The following TRPM4 variants were observed in gnomAD, a reference collection of about 807,000 sequenced individuals.
TRPM4 encodes the protein calcium-activated non-selective cation channel 1.
A neutral mutation model predicts 135.6 loss-of-function variants in TRPM4; 124 were observed. That is an observed-to-expected ratio of 0.91 (90% CI 0.79 to 1.06). The LOEUF (loss-of-function observed/expected upper bound fraction) is 1.06, where lower values mean the gene tolerates loss of function less well. Among genes scored for constraint, TRPM4 ranks in the 50% least tolerant of loss-of-function variants. TRPM4 has a pLI of 0.00. For synonymous variants in TRPM4, 745 were observed against 705.6 expected, an observed-to-expected ratio of 1.06 and a Z score of -0.88; for missense variants, 1,658 against 1,671.4, an observed-to-expected ratio of 0.99 and a Z score of 0.14.
chr19:49,179,423 T>C (rs1425970462), intron 9 of TRPM4, among the ~76,000 whole-genome samples: 2 of 151,684 alleles, frequency 1.3e-5, no homozygotes, highest in Admixed American at 1.3e-4. Context: ...TGATCTCGGC[T>C]CACTGCAACC....
chr19:49,176,796 A>T (rs112347969), intron 9 of TRPM4, among the ~76,000 whole-genome samples: 10,033 of 152,246 alleles, frequency 0.066, 677 homozygotes, highest in African/African-American at 0.17. Flanking sequence ...GGTTGCCGTG[A>T]GCCAAGATCG....
chr19:49,208,529 A>G (rs1969234641), intron 20 of TRPM4, among the ~76,000 whole-genome samples: 1 of 151,978 alleles, frequency 6.6e-6, no homozygotes, highest in African/African-American at 2.4e-5. Context: ...GTCACTTCTC[A>G]TCATGCCCCT....
Position 49,182,914 on chromosome 19 carries a change from G to T in TRPM4, c.1600G>T (p.Gly534Trp). 2 of 1,593,108 alleles carry T rather than the reference G, an allele frequency of 1.3e-6. No homozygotes were observed. Among genetic ancestry groups the T allele is most frequent in the Non-Finnish European group, 1.7e-6 (2 of 1,170,154 alleles). The change falls in exon 11 of 25, where the codon GGG (glycine) becomes TGG (tryptophan). Residue 534 changes from glycine to tryptophan, a missense_variant. Around this residue, in one of 3 missense-constraint regions of TRPM4, gnomAD observed 1,412 missense variants for 1,408.7 expected, o/e 1.00. Transcript: ENST00000252826. The stretch of plus-strand genomic sequence containing the variant: ...GGACCCTCACCCAGGCCAGGGCTTC[G>T]GGGAGAGCGTAAGGACCGGGCAAAG... ...AWDPHPGQGF[G>W]ESMYLLSDKA... is the part of the protein sequence containing the mutation.
chr19:49,161,965 C>T (rs758063410), intron 2 of TRPM4, among the ~76,000 whole-genome samples: 2 of 152,138 alleles, frequency 1.3e-5, no homozygotes, highest in East Asian at 1.9e-4. Context: ...CTTGACTGGC[C>T]TCTGCACACA....
In TRPM4 at chr19:49,188,639, A is replaced by G. The variant is rs1161726237; in HGVS notation, c.1744-2A>G. The G allele has an allele frequency of 1.2e-6, 2 of 1,614,026 alleles. No homozygotes were observed. Among genetic ancestry groups the G allele is most frequent in the Non-Finnish European group, 1.7e-6 (2 of 1,180,014 alleles). ...GCATCCGTGCCCTCTTTGTCTCTCC[A>G]GGGTTCCAATGCAGTTTCCTCAGCT... On this transcript the variant is annotated splice_acceptor_variant, in intron 12 of 24. Transcript: ENST00000252826. LOFTEE classifies it high-confidence loss of function.
intron 6 of TRPM4, among the ~76,000 whole-genome samples, chr19:49,170,316 G>A (rs563929836): frequency 6.6e-6 from 1 of 152,056 alleles, no homozygotes. Context: ...AGCCTCCCGA[G>A]TAGCTGGGAC....
At chr19:49,182,103 T>TCCATCCAC (rs1322615641) in intron 10 of TRPM4, among the ~76,000 whole-genome samples, 1,773 of 145,246 alleles carry the variant, frequency 0.012, 88 homozygotes, top group African/African-American at 0.043. Flanking sequence ...TGTCCATCCA[T>TCCATCCAC]CCATCCATCC....
At chr19:49,206,682 A>T (rs1361739257) in intron 20 of TRPM4, among the ~76,000 whole-genome samples, 1 of 151,432 alleles carries the variant, frequency 6.6e-6, no homozygotes, top group African/African-American at 2.4e-5. Context: ...CAGGTGATCC[A>T]CCCGCCTTGG....
intron 16 of TRPM4, among the ~76,000 whole-genome samples, chr19:49,193,381 G>C (rs763728180): frequency 1.3e-5 from 2 of 152,058 alleles, no homozygotes; most frequent in Non-Finnish European, 2.9e-5. Flanking sequence ...GCACCCGTCC[G>C]GAAATCAGTT....
rs1301760591 is a variant in TRPM4 at position 49,190,276 on chromosome 19, C to T, written c.2088C>T (p.Ala696=). ...CACCCATCTGGGCCCTGGTTCTCGC[C>T]TTCTTTTGCCCTCCACTCATCTACA... The part of the protein sequence containing the change: ...STTPIWALVL[A]FFCPPLIYTR... The change falls in exon 15 of 25, where the codon GCC becomes GCT. Residue 696 remains alanine, a synonymous_variant. Transcript: ENST00000252826. The T allele has an allele frequency of 6.2e-7, 1 of 1,613,656 alleles. No homozygotes were observed. Among genetic ancestry groups the T allele is most frequent in the Non-Finnish European group, 8.5e-7 (1 of 1,179,922 alleles).
chr19:49,174,975 C>G lies in TRPM4; in HGVS notation c.1150+2867C>G, dbSNP rs1967620469. Among the ~76,000 whole-genome samples the G allele has an allele frequency of 3.3e-5, 5 of 150,958 alleles. No homozygotes were observed. In the South Asian group the frequency reaches 1.0e-3, roughly 32 times the overall value. Reference sequence around the variant, plus strand: ...CTGGAGTGCAGTGGTGTGATCTTGACCCACTACAGTCTTGACCTCCTGGGC... The same window carrying G: ...CTGGAGTGCAGTGGTGTGATCTTGAGCCACTACAGTCTTGACCTCCTGGGC... On this transcript the variant is annotated intron_variant, in intron 9 of 24. Transcript: ENST00000252826.
intron 9 of TRPM4, among the ~76,000 whole-genome samples, chr19:49,177,328 G>A (rs978050348): frequency 4.2e-5 from 6 of 142,936 alleles, no homozygotes; most frequent in African/African-American, 8.1e-5. Context: ...TCATGAATGC[G>A]TCTTTTTTTT....
At chr19:49,209,727 G>A (rs1969276042) in intron 20 of TRPM4, among the ~76,000 whole-genome samples, 1 of 149,150 alleles carries the variant, frequency 6.7e-6, no homozygotes, top group Non-Finnish European at 1.5e-5. Flanking sequence ...TCTGACCCTT[G>A]GCCCTTCTAA....
intron 12 of TRPM4, among the ~76,000 whole-genome samples, chr19:49,185,179 T>A (rs1401626991): frequency 6.6e-6 from 1 of 152,174 alleles, no homozygotes; most frequent in Non-Finnish European, 1.5e-5. Flanking sequence ...AGGGATAGTT[T>A]CTATTCATTT....
intron 16 of TRPM4, among the ~76,000 whole-genome samples, chr19:49,193,027 T>G (rs193009031): frequency 6.6e-6 from 1 of 151,736 alleles, no homozygotes. Context: ...GCTGATGTTA[T>G]GAAACACGTA....
chr19:49,204,084 C>CA (rs1456266142), intron 20 of TRPM4, among the ~76,000 whole-genome samples: 2 of 152,218 alleles, frequency 1.3e-5, no homozygotes, highest in African/African-American at 4.8e-5. Flanking sequence ...CGTGCCACTG[C>CA]ACTCCAGCCT....
At position 49,171,563 on chromosome 19, in the gene TRPM4, G is replaced by T. The variant is rs1568461957; in HGVS notation, c.859-15G>T. ...TTTTCTGACGTGATGAATAAAGAAT[G>T]CCTTTATCCTGTAGCGAATAGAGAA... On this transcript the variant is annotated splice_polypyrimidine_tract_variant and intron_variant, in intron 7 of 24. Coordinates refer to ENST00000252826, the MANE Select transcript of TRPM4 (RefSeq NM_017636.4). The surrounding 1 kb of genome is among the most constrained non-coding windows in gnomAD (Gnocchi z 4.7). 3 of 1,613,690 alleles carry T rather than the reference G, an allele frequency of 1.9e-6. No homozygotes were observed. The highest frequency in any genetic ancestry group is 2.5e-6 in the Non-Finnish European group (3 of 1,179,692).
At chr19:49,182,953 C>T (rs776616646) in intron 11 of TRPM4, 31 bp downstream of exon 11, 3 of 1,582,326 alleles carry the variant, frequency 1.9e-6, no homozygotes, top group Admixed American at 1.7e-5. Flanking sequence ...GGGGGCCCCC[C>T]CGCGCGGGAA....
chr19:49,201,867 C>G, intron 19 of TRPM4, 97 bp from the exon 20 acceptor site: 1 of 1,310,034 alleles, frequency 7.6e-7, no homozygotes, highest in Non-Finnish European at 1.1e-6. Flanking sequence ...CCCAAAAGTG[C>G]TGGGATTACA....
Sources: gnomAD v4.1 joint callset for allele counts (sites outside exome capture counted in the v4.1 genomes callset) on GRCh38, gnomAD v4.1.1 for gene constraint, gnomAD v4.1.1 regional missense constraint, Gnocchi (gnomAD v3.1) non-coding constraint, MANE v1.5 for transcripts, NCBI Gene and HGNC (gene_info 2026-07-23, HGNC 2026-07-21) for gene names.